Variants in DOCK11 observed in about 807,000 individuals in gnomAD.
DOCK11 encodes dedicator of cytokinesis protein 11.
In DOCK11, 70 loss-of-function variants were observed where a neutral mutation model predicts 169.1. That is an observed-to-expected ratio of 0.41 (90% confidence interval 0.34 to 0.51). DOCK11 has a LOEUF of 0.51. Among genes scored for constraint, DOCK11 ranks in the 20% least tolerant of loss-of-function variants. DOCK11 has a pLI of 0.10. For synonymous variants in DOCK11, 529 were observed against 541.3 expected (o/e 0.98, Z 0.32); for missense variants, 1,166 against 1,538.8 (o/e 0.76, Z 4.05).
rs533272345 is a variant in DOCK11, at chrX:118,523,569, C to T, written c.103-19156C>T. Reference sequence around the variant, plus strand: ...TTCAGTTTACAGGACCTGCACTGTGCACTGTGTTTCTCACGTTTAGTAAGG... The same window carrying T: ...TTCAGTTTACAGGACCTGCACTGTGTACTGTGTTTCTCACGTTTAGTAAGG... On this transcript the variant is annotated intron_variant, in intron 1 of 52. Coordinates refer to ENST00000276202, the MANE Select transcript of DOCK11 (RefSeq NM_144658.4). 3.6e-5 allele frequency among the ~76,000 whole-genome samples: 4 copies of T among 112,158 alleles called. No homozygotes were observed. In the Admixed American group the frequency reaches 3.8e-4, roughly 11 times the overall value.
At chrX:118,596,352 G>C (rs2014166808) in intron 20 of DOCK11, among the ~76,000 whole-genome samples, 1 of 112,260 alleles carries the variant, frequency 8.9e-6, no homozygotes, top group Non-Finnish European at 1.9e-5. Context: ...TCTACTTAGA[G>C]AAGCAATGTT....
chrX:118,511,211 T>G (rs2057649318), intron 1 of DOCK11, among the ~76,000 whole-genome samples: 1 of 112,616 alleles, frequency 8.9e-6, no homozygotes, highest in East Asian at 2.8e-4. Context: ...AAAATCATTA[T>G]AGAAAAGGTT....
intron 6 of DOCK11, among the ~76,000 whole-genome samples, chrX:118,548,342 G>A (rs1420033992): frequency 8.9e-6 from 1 of 112,093 alleles, no homozygotes; most frequent in African/African-American, 3.2e-5. Context: ...GATGTGATAG[G>A]AGGAATTGAT....
At chrX:118,641,503 G>T (rs1298690273) in intron 39 of DOCK11, among the ~76,000 whole-genome samples, 198 bp downstream of exon 39, 1 of 111,886 alleles carries the variant, frequency 8.9e-6, no homozygotes, top group Admixed American at 9.5e-5. Flanking sequence ...AGGGAAGGGA[G>T]TGGACTAACT....
intron 1 of DOCK11, among the ~76,000 whole-genome samples, chrX:118,505,247 G>A (rs982800030): frequency 2.7e-5 from 3 of 111,880 alleles, no homozygotes; most frequent in African/African-American, 9.7e-5. Context: ...GGCTGGTCTC[G>A]AACTCCTGAC....
In DOCK11 at chrX:118,641,707, G is replaced by T. The variant is rs138006605; in HGVS notation, c.4260+402G>T. ...CAGTCTGGCTGGCTTCCCTAGGCGCGCACTTAGTGTTTTTTCTCAGATGTT... is the reference window on the plus strand; with the variant it reads ...CAGTCTGGCTGGCTTCCCTAGGCGCTCACTTAGTGTTTTTTCTCAGATGTT... On this transcript the variant is annotated intron_variant, in intron 39 of 52. Coordinates refer to ENST00000276202, the MANE Select transcript of DOCK11 (RefSeq NM_144658.4). Among the ~76,000 whole-genome samples the T allele has an allele frequency of 3.8e-3, 418 of 111,154 alleles. 2 individuals are homozygous for T. The highest frequency in any genetic ancestry group is 0.012 in the African/African-American group (372 of 30,601).
chrX:118,588,156 T>C lies in DOCK11; in HGVS notation c.1815T>C (p.Tyr605=), dbSNP rs898672680. 1.4e-5 allele frequency: 17 copies of C among 1,192,174 alleles called. No homozygotes were observed. Among genetic ancestry groups the C allele is most frequent in the Admixed American group, 2.4e-5 (1 of 42,017 alleles). Residue 605 remains tyrosine (Y), a synonymous_variant, in exon 17 of 53, where the codon TAT becomes TAC. Transcript: ENST00000276202. Reference sequence around the variant, plus strand: ...CTATAGATTGTATTACTTCTTCATATGTGCCCTTGAAGCCTTTTGAAAAGA... The same window carrying C: ...CTATAGATTGTATTACTTCTTCATACGTGCCCTTGAAGCCTTTTGAAAAGA... ...VDLSNCITSS[Y]VPLKPFEKNC...
At chrX:118,645,172 A>G (rs887703791) in intron 40 of DOCK11, among the ~76,000 whole-genome samples, 2 of 111,412 alleles carry the variant, frequency 1.8e-5, no homozygotes, top group African/African-American at 6.5e-5. Context: ...TGCCTTTGGG[A>G]CATTAGGATA....
intron 45 of DOCK11, among the ~76,000 whole-genome samples, chrX:118,665,828 C>T (rs1490521191): frequency 1.8e-5 from 2 of 111,633 alleles, no homozygotes; most frequent in Non-Finnish European, 1.9e-5. Flanking sequence ...TGAGTTAAAC[C>T]GGTAATAACG....
At chrX:118,571,806 T>C (rs1163191448) in intron 10 of DOCK11, among the ~76,000 whole-genome samples, 1 of 112,072 alleles carries the variant, frequency 8.9e-6, no homozygotes, top group African/African-American at 3.2e-5. Flanking sequence ...CAGTTTTCTA[T>C]AGGGAGTTAG....
At chrX:118,622,735 A>G (rs1247679394) in intron 31 of DOCK11, among the ~76,000 whole-genome samples, 1 of 112,149 alleles carries the variant, frequency 8.9e-6, no homozygotes, top group Non-Finnish European at 1.9e-5. Flanking sequence ...ATTGTAATCA[A>G]GTAGCTAGTA....
chrX:118,673,827 C>T (rs2016544293), intron 46 of DOCK11, among the ~76,000 whole-genome samples: 1 of 111,453 alleles, frequency 9.0e-6, no homozygotes, highest in Non-Finnish European at 1.9e-5. Context: ...CTCCCATTTT[C>T]CAATAACCAC....
At chrX:118,529,223 C>G (rs1312868623) in intron 1 of DOCK11, among the ~76,000 whole-genome samples, 1 of 111,414 alleles carries the variant, frequency 9.0e-6, no homozygotes, top group Non-Finnish European at 1.9e-5. Flanking sequence ...ACCTTGTGAT[C>G]CGCCTGCCTT....
At chrX:118,660,721 C>T (rs1487191532) in intron 44 of DOCK11, among the ~76,000 whole-genome samples, 4 of 110,024 alleles carry the variant, frequency 3.6e-5, no homozygotes, top group Admixed American at 9.7e-5. Flanking sequence ...CTGCCTGCCT[C>T]GGCCTCCCAA....
chrX:118,685,577 A>G (rs1295014202), intron 52 of DOCK11, 111 bp from the exon 53 acceptor site: 1 of 962,933 alleles, frequency 1.0e-6, no homozygotes, highest in Non-Finnish European at 1.4e-6. Flanking sequence ...CTGTCTTTTT[A>G]AATAACTGTC....
intron 1 of DOCK11, among the ~76,000 whole-genome samples, chrX:118,540,267 G>C (rs2011938075): frequency 9.0e-6 from 1 of 110,587 alleles, no homozygotes; most frequent in Non-Finnish European, 1.9e-5. Flanking sequence ...GCAAGACTTA[G>C]ATTATTTTTA....
intron 6 of DOCK11, among the ~76,000 whole-genome samples, chrX:118,552,803 A>G (rs760365331): frequency 8.0e-5 from 9 of 112,076 alleles, no homozygotes; most frequent in Non-Finnish European, 1.5e-4. Flanking sequence ...GCTTGAGCCC[A>G]GGAGTTTGAA....
At chrX:118,613,332 AAG>A (rs1339929206) in intron 28 of DOCK11, among the ~76,000 whole-genome samples, 1 of 112,044 alleles carries the variant, frequency 8.9e-6, no homozygotes, top group Non-Finnish European at 1.9e-5. Context: ...GTGGCAGCAG[AAG>A]TATAAAGGAG....
intron 1 of DOCK11, among the ~76,000 whole-genome samples, chrX:118,521,345 A>G (rs2011263159): frequency 8.9e-6 from 1 of 112,336 alleles, no homozygotes; most frequent in African/African-American, 3.2e-5. Context: ...TAAAGGGATA[A>G]TCCATGGTCA....
Sources: gnomAD v4.1 joint callset for allele counts (sites outside exome capture counted in the v4.1 genomes callset) on GRCh38, gnomAD v4.1.1 for gene constraint, MANE v1.5 for transcripts, NCBI Gene and HGNC (gene_info 2026-07-23, HGNC 2026-07-21) for gene names.